Variants in SFMBT1 observed in about 807,000 individuals in gnomAD.
SFMBT1 encodes scm-like with four MBT domains protein 1.
SFMBT1 carries 32 observed loss-of-function variants against 108.7 expected under a neutral mutation model. That is an observed-to-expected ratio of 0.29 (90% CI 0.22 to 0.40). The LOEUF is 0.40. SFMBT1 is among the 10% of genes least tolerant of loss of function. SFMBT1 has a pLI of 1.00. For missense variants in SFMBT1, 816 were observed against 1,059.6 expected, an observed-to-expected ratio of 0.77 and a Z score of 3.19; for synonymous variants, 348 against 369.5, an observed-to-expected ratio of 0.94 and a Z score of 0.67.
chr3:52,928,466 A>C (rs1575379671), intron 8 of SFMBT1, 125 bp from the exon 9 acceptor site: 1 of 911,896 alleles, frequency 1.1e-6, no homozygotes, highest in Non-Finnish European at 1.6e-6. Context: ...TAAACACTAA[A>C]TGTTAGCTCT....
intron 3 of SFMBT1, among the ~76,000 whole-genome samples, chr3:52,943,813 T>A (rs987203978): frequency 6.6e-6 from 1 of 152,170 alleles, no homozygotes; most frequent in Non-Finnish European, 1.5e-5. Flanking sequence ...AACTCAATAT[T>A]TTCACCAAAG....
At chr3:52,981,398 T>A (rs1704706114) in intron 1 of SFMBT1, among the ~76,000 whole-genome samples, 1 of 152,090 alleles carries the variant, frequency 6.6e-6, no homozygotes, top group Admixed American at 6.6e-5. Flanking sequence ...GGTCTTGTTC[T>A]GTCACCCAGG....
chr3:53,045,304 G>A (rs1408914833), intron 1 of SFMBT1: 2 of 145,634 alleles, frequency 1.4e-5, no homozygotes, highest in Non-Finnish European at 3.1e-5. Flanking sequence ...GGCCCCAGCT[G>A]CGGGTTCGCG....
At chr3:52,990,476 T>C (rs914481167) in intron 1 of SFMBT1, among the ~76,000 whole-genome samples, 7 of 152,142 alleles carry the variant, frequency 4.6e-5, no homozygotes, top group African/African-American at 1.7e-4. Flanking sequence ...CTATGCAAAG[T>C]CTTAAGTTTA....
chr3:53,005,855 G>A (rs1234658385), intron 1 of SFMBT1, among the ~76,000 whole-genome samples: 1 of 152,166 alleles, frequency 6.6e-6, no homozygotes, highest in African/African-American at 2.4e-5. Context: ...ACAGAGAGAG[G>A]GTGGACATGC....
chr3:53,024,822 C>T (rs572184708), intron 1 of SFMBT1, among the ~76,000 whole-genome samples: 10 of 151,952 alleles, frequency 6.6e-5, no homozygotes, highest in African/African-American at 1.5e-4. Context: ...AAGAATATAA[C>T]GAATATTATA....
chr3:52,966,045 C>T (rs1195969907), intron 2 of SFMBT1, among the ~76,000 whole-genome samples: 1 of 146,148 alleles, frequency 6.8e-6, no homozygotes, highest in Non-Finnish European at 1.5e-5. Context: ...AAAGCCGGCG[C>T]GGTGGCTCAC....
chr3:52,925,323 CT>C (rs1249897664), intron 10 of SFMBT1, among the ~76,000 whole-genome samples: 1 of 152,070 alleles, frequency 6.6e-6, no homozygotes, highest in African/African-American at 2.4e-5. Context: ...TAATATAACT[CT>C]AAAGGAAGAA....
At chr3:52,935,095 G>C (rs897662650) in intron 4 of SFMBT1, among the ~76,000 whole-genome samples, 194 bp from the exon 5 acceptor site, 1 of 152,166 alleles carries the variant, frequency 6.6e-6, no homozygotes, top group African/African-American at 2.4e-5. Context: ...TTTCTGGTTA[G>C]TTTATTAAGA....
intron 1 of SFMBT1, among the ~76,000 whole-genome samples, chr3:53,028,753 A>G (rs903703299): frequency 2.6e-5 from 4 of 152,098 alleles, no homozygotes; most frequent in African/African-American, 9.7e-5. Context: ...AGCAAACACA[A>G]CTCAGAAACG....
chr3:53,009,816 C>T (rs901685131), intron 1 of SFMBT1, among the ~76,000 whole-genome samples: 1 of 152,046 alleles, frequency 6.6e-6, no homozygotes, highest in African/African-American at 2.4e-5. Flanking sequence ...CTAGAGAAAA[C>T]AAAATATTAG....
chr3:52,964,121 G>A (rs1704053880), intron 2 of SFMBT1, among the ~76,000 whole-genome samples: 2 of 152,184 alleles, frequency 1.3e-5, no homozygotes, highest in Admixed American at 6.5e-5. Flanking sequence ...AGGACTACAA[G>A]TGCATGCCAC....
At chr3:53,003,582 A>C (rs1698633363) in intron 1 of SFMBT1, among the ~76,000 whole-genome samples, 2 of 149,810 alleles carry the variant, frequency 1.3e-5, no homozygotes. Context: ...AAGCCAAAAA[A>C]TAAAATTATA....
intron 1 of SFMBT1, among the ~76,000 whole-genome samples, chr3:53,035,006 C>T (rs1027580839): frequency 4.6e-5 from 7 of 152,214 alleles, no homozygotes; most frequent in Non-Finnish European, 7.3e-5. Flanking sequence ...CCATGTGAGA[C>T]TGACATTTTG....
At chr3:52,976,524 G>T (rs2106871406) in intron 1 of SFMBT1, among the ~76,000 whole-genome samples, 1 of 152,052 alleles carries the variant, frequency 6.6e-6, no homozygotes, top group South Asian at 2.1e-4. Context: ...AGATTCCAAA[G>T]AAATTAAAAG....
intron 1 of SFMBT1, among the ~76,000 whole-genome samples, chr3:52,976,364 G>C (rs1178602808): frequency 6.6e-6 from 1 of 152,142 alleles, no homozygotes; most frequent in African/African-American, 2.4e-5. Context: ...GTGATAAAGA[G>C]AGCATTCCAT....
intron 10 of SFMBT1, among the ~76,000 whole-genome samples, chr3:52,924,712 T>C (rs1445777064): frequency 6.6e-6 from 1 of 151,808 alleles, no homozygotes; most frequent in African/African-American, 2.4e-5. Context: ...TGGCAAACCT[T>C]TAAAGAGCAA....
At position 52,920,653 on chromosome 3, in the gene SFMBT1, GT is replaced by G; in HGVS notation, c.1259-4del. ...TTCAGGTATAGGCTTCTTAGAACCTGTTTAGATTTAAACAAACAAACAAACA... is the reference window on the plus strand; with the variant it reads ...TTCAGGTATAGGCTTCTTAGAACCTGTTAGATTTAAACAAACAAACAAACA... On this transcript the variant is annotated splice_region_variant and splice_polypyrimidine_tract_variant and intron_variant, in intron 11 of 20. Transcript: ENST00000394752. 6.4e-7 allele frequency: 1 copy of G among 1,560,704 alleles called. No individual in the cohort carries two copies. The highest frequency in any genetic ancestry group is 8.8e-7 in the Non-Finnish European group (1 of 1,138,278).
chr3:52,984,157 C>A (rs970999948), intron 1 of SFMBT1, among the ~76,000 whole-genome samples: 6 of 152,106 alleles, frequency 3.9e-5, no homozygotes, highest in Non-Finnish European at 7.3e-5. Context: ...AAAGGGAAGT[C>A]TGAAGTAGGA....
Sources: gnomAD v4.1 joint callset for allele counts (sites outside exome capture counted in the v4.1 genomes callset) on GRCh38, gnomAD v4.1.1 for gene constraint, MANE v1.5 for transcripts, NCBI Gene and HGNC (gene_info 2026-07-23, HGNC 2026-07-21) for gene names.